The following KIAA1549L variants were observed in gnomAD, a reference collection of about 807,000 sequenced individuals.
The protein encoded by KIAA1549L is UPF0606 protein KIAA1549L.
In KIAA1549L, 88 loss-of-function variants were observed where a neutral mutation model predicts 160.7. The observed-to-expected ratio is 0.55, with a 90% CI of 0.46 to 0.65. The LOEUF (loss-of-function observed/expected upper bound fraction) is 0.65. Ranked by LOEUF, KIAA1549L falls within the 30% of genes least tolerant of loss-of-function variation. The pLI is 0.00. For synonymous variants in KIAA1549L, 950 were observed against 976.7 expected (o/e 0.97, Z 0.51); for missense variants, 2,258 against 2,437.5 (o/e 0.93, Z 1.55).
At chr11:33,428,239 G>A (rs1851160270) in intron 1 of KIAA1549L, among the ~76,000 whole-genome samples, 2 of 152,140 alleles carry the variant, frequency 1.3e-5, no homozygotes, top group East Asian at 1.9e-4. Context: ...CATTACCACC[G>A]GTAATGTACA....
chr11:33,614,112 G>GTTAC lies in KIAA1549L; in HGVS notation c.5279+4146_5279+4147insTTAC, dbSNP rs1430209644. The stretch of plus-strand genomic sequence containing the variant: ...CCTCAGTTTGTAACAGATGGAAACT[G>GTTAC]ATGGATAAATACCCCTGGCAAGGGA... On this transcript the variant is annotated intron_variant, in intron 15 of 20. Coordinates refer to ENST00000658780, the MANE Select transcript of KIAA1549L (RefSeq NM_012194.3). 5.3e-5 allele frequency among the ~76,000 whole-genome samples: 8 copies of GTTAC among 152,284 alleles called. No homozygotes were observed. In the East Asian group the frequency reaches 1.2e-3, roughly 22 times the overall value.
intron 17 of KIAA1549L, among the ~76,000 whole-genome samples, chr11:33,655,256 T>C (rs913495032): frequency 4.0e-5 from 6 of 150,912 alleles, no homozygotes; most frequent in African/African-American, 7.3e-5. Flanking sequence ...GCAAAAGACA[T>C]ACACACACAC....
chr11:33,617,339 G>A (rs1308903103), intron 15 of KIAA1549L, among the ~76,000 whole-genome samples: 2 of 152,158 alleles, frequency 1.3e-5, no homozygotes, highest in Non-Finnish European at 2.9e-5. Context: ...GAAAAGCATA[G>A]CCAATCTCCT....
In KIAA1549L at chr11:33,430,009, CCCTTCCTTCCTT is replaced by C. The variant is rs762169127; in HGVS notation, c.238+53148_238+53159del. Among the ~76,000 whole-genome samples, 21 of 93,390 alleles carry C rather than the reference CCCTTCCTTCCTT, an allele frequency of 2.2e-4. 1 individual carries two copies. The East Asian group carries it at 3.5e-3, about 15-fold the overall frequency. The allele number at this position is 93,390 out of a possible 152,430, so 61.3% of individuals were successfully genotyped here. A position where few individuals can be genotyped will look rare whatever the true frequency, so the allele number is the denominator to read the frequency against. On this transcript the variant is annotated intron_variant, in intron 1 of 20. Transcript: ENST00000658780. ...TCATGTGGCAGCTCTGCTCTGCCCT[CCCTTCCTTCCTT>C]CCTTCCTTCCTTCCTTCCTTCCTTC...
At position 33,670,876 on chromosome 11, in the gene KIAA1549L, T is replaced by C. The variant is rs3741020; in HGVS notation, c.*2722T>C. 0.32 allele frequency: 48,671 copies of C among 152,214 alleles called. 7,802 individuals carry two copies. Among genetic ancestry groups the C allele is most frequent in the South Asian group, 0.35 (1,695 of 4,826 alleles). 9.4% of individuals were successfully genotyped at this position (152,214 alleles called of 1,614,324 possible). ...CAGAAGTACCACGAAGTGGAGTGAC[T>C]GGCCCAGTGATTCAGTCCCAACCTC... On this transcript the variant is annotated 3_prime_UTR_variant, in exon 21 of 21. Coordinates refer to ENST00000658780, the MANE Select transcript of KIAA1549L (RefSeq NM_012194.3).
At chr11:33,614,531 G>GCCATATATATATAT (rs879500574) in intron 15 of KIAA1549L, among the ~76,000 whole-genome samples, 2 of 27,114 alleles carry the variant, frequency 7.4e-5, no homozygotes, top group Non-Finnish European at 1.3e-4. Flanking sequence ...AGTGTAACAA[G>GCCATATATATATAT]ATATATATAT....
chr11:33,459,622 C>T (rs918776928), intron 1 of KIAA1549L, among the ~76,000 whole-genome samples: 2 of 152,092 alleles, frequency 1.3e-5, no homozygotes, highest in Admixed American at 6.5e-5. Context: ...TCATGGCCTC[C>T]GTCTGAACCA....
chr11:33,440,425 C>T (rs577966758), intron 1 of KIAA1549L, among the ~76,000 whole-genome samples: 3 of 152,190 alleles, frequency 2.0e-5, no homozygotes, highest in South Asian at 2.1e-4. Context: ...CCACCGCGCC[C>T]GGCCTATTTT....
At chr11:33,423,516 A>T (rs1372031425) in intron 1 of KIAA1549L, among the ~76,000 whole-genome samples, 1 of 152,226 alleles carries the variant, frequency 6.6e-6, no homozygotes, top group African/African-American at 2.4e-5. Context: ...GCCCTCATTG[A>T]AGAGGACTGA....
rs1191407466 is a variant in KIAA1549L at position 33,543,343 on chromosome 11, A to G, written c.1780A>G (p.Thr594Ala). 6.2e-6 allele frequency: 10 copies of G among 1,614,028 alleles called. No individual in the cohort carries two copies. The highest frequency in any genetic ancestry group is 1.6e-4 in the Middle Eastern group (1 of 6,062). ...AAGGAAAGAGGTTTTGAGTCTTCACACTGTAAATGGATTTGTCTCTGATTT... is the reference window on the plus strand; with the variant it reads ...AAGGAAAGAGGTTTTGAGTCTTCACGCTGTAAATGGATTTGTCTCTGATTT... ...FPRKEVLSLH[T>A]VNGFVSDFST... is the part of the protein sequence containing the mutation. Residue 594 changes from threonine (T) to alanine (A), a missense_variant, in exon 2 of 21, where the codon ACT becomes GCT. By Grantham distance (58) the Thr-to-Ala change is moderately conservative (BLOSUM62 0). Transcript: ENST00000658780.
chr11:33,618,432 C>A, intron 15 of KIAA1549L, 101 bp from the exon 16 acceptor site: 1 of 1,058,266 alleles, frequency 9.4e-7, no homozygotes, highest in Non-Finnish European at 1.3e-6. Flanking sequence ...ATTTGTGAGG[C>A]AAATCCAAAC....
At chr11:33,593,291 T>C (rs139950248) in intron 12 of KIAA1549L, among the ~76,000 whole-genome samples, 1,553 of 152,210 alleles carry the variant, frequency 0.01, 46 homozygotes, top group African/African-American at 0.036. Flanking sequence ...TAAAAAATAT[T>C]AGCCAGGTGC....
intron 1 of KIAA1549L, among the ~76,000 whole-genome samples, chr11:33,386,236 T>C (rs1850170357): frequency 6.6e-6 from 1 of 152,224 alleles, no homozygotes; most frequent in South Asian, 2.1e-4. Flanking sequence ...AGAGGCCCTT[T>C]ATCAGGCTGA....
chr11:33,481,168 T>C, intron 1 of KIAA1549L, among the ~76,000 whole-genome samples: 1 of 152,200 alleles, frequency 6.6e-6, no homozygotes, highest in East Asian at 1.9e-4. Flanking sequence ...ATGAATAGCA[T>C]CTGGGCTTTT....
intron 1 of KIAA1549L, among the ~76,000 whole-genome samples, chr11:33,504,184 C>G (rs372021608): frequency 6.6e-6 from 1 of 151,978 alleles, no homozygotes. Flanking sequence ...TTGCTCGAAC[C>G]GGGGAGGTGG....
intron 3 of KIAA1549L, among the ~76,000 whole-genome samples, chr11:33,545,765 C>T (rs1439543452): frequency 6.6e-6 from 1 of 152,184 alleles, no homozygotes; most frequent in Non-Finnish European, 1.5e-5. Context: ...TCCCAGGAAA[C>T]CATGGTTCTG....
chr11:33,455,629 A>T (rs909202841), intron 1 of KIAA1549L, among the ~76,000 whole-genome samples: 1 of 152,180 alleles, frequency 6.6e-6, no homozygotes, highest in Admixed American at 6.5e-5. Flanking sequence ...TATCTGAATG[A>T]TTTCCTGGGT....
intron 1 of KIAA1549L, among the ~76,000 whole-genome samples, chr11:33,479,758 A>C (rs1431578891): frequency 1.3e-5 from 2 of 152,140 alleles, no homozygotes; most frequent in Non-Finnish European, 2.9e-5. Context: ...TGGGAGGGAA[A>C]ACAGGAGCCA....
At chr11:33,438,846 G>A (rs796190993) in intron 1 of KIAA1549L, among the ~76,000 whole-genome samples, 3,820 of 118,524 alleles carry the variant, frequency 0.032, 73 homozygotes, top group Admixed American at 0.045. Context: ...GGGATTTGAA[G>A]GTTTTTTTTT....
Sources: allele counts gnomAD v4.1 joint callset (sites outside exome capture counted in the v4.1 genomes callset), GRCh38; gene constraint gnomAD v4.1.1; transcripts MANE v1.5; gene names NCBI Gene and HGNC (gene_info 2026-07-23, HGNC 2026-07-21).